The following SCN3A variants were observed in gnomAD, a reference collection of about 807,000 sequenced individuals.
SCN3A encodes sodium voltage-gated channel alpha subunit 3.
Under a neutral mutation model 187.6 loss-of-function variants are expected in SCN3A, and 60 were observed. The observed-to-expected ratio is 0.32, with a 90% CI of 0.26 to 0.40. The LOEUF is 0.40. SCN3A is among the 10% of genes least tolerant of loss of function. The pLI is 1.00. For missense variants in SCN3A, 1,601 were observed against 2,428.2 expected (o/e 0.66, Z 7.16); for synonymous variants, 788 against 829.2 (o/e 0.95, Z 0.85).
chr2:165,146,388 G>A (rs918331624), intron 12 of SCN3A, among the ~76,000 whole-genome samples: 20 of 88,122 alleles, frequency 2.3e-4, no homozygotes, highest in Non-Finnish European at 3.6e-4. Flanking sequence ...ATATATGTGT[G>A]TGTGTGTGTG....
chr2:165,145,929 C>T (rs1206284694), intron 12 of SCN3A, among the ~76,000 whole-genome samples: 1 of 152,098 alleles, frequency 6.6e-6, no homozygotes, highest in Non-Finnish European at 1.5e-5. Flanking sequence ...TTCTTTACAT[C>T]AGACATATGT....
At position 165,153,115 on chromosome 2, in the gene SCN3A, TA is replaced by T. The variant is rs1688791771; in HGVS notation, c.1380+1336del. 2.6e-5 allele frequency among the ~76,000 whole-genome samples: 4 copies of T among 151,290 alleles called. No individual in the cohort carries two copies. The South Asian group carries it at 8.3e-4, about 31-fold the overall frequency. On this transcript the variant is annotated intron_variant, in intron 11 of 27. Transcript: ENST00000283254. Reference sequence around the variant, plus strand: ...ACTGGTATAAAAATGACAAATAAACTAAACAGAATAGAGTTCAGAAATAGAC... The same window carrying T: ...ACTGGTATAAAAATGACAAATAAACTAACAGAATAGAGTTCAGAAATAGAC...
intron 1 of SCN3A, among the ~76,000 whole-genome samples, chr2:165,190,802 C>G (rs1218526105): frequency 6.6e-6 from 1 of 151,630 alleles, no homozygotes; most frequent in African/African-American, 2.4e-5. Flanking sequence ...CTTGGAAGCA[C>G]TGTATCCTAA....
chr2:165,128,141 A>C (rs1286152075), intron 17 of SCN3A, 40 bp from the exon 18 acceptor site: 1 of 1,463,562 alleles, frequency 6.8e-7, no homozygotes, highest in Admixed American at 2.0e-5. Flanking sequence ...TAATATTGAA[A>C]TATGCATTTA....
intron 1 of SCN3A, among the ~76,000 whole-genome samples, chr2:165,197,022 T>C (rs1322406263): frequency 2.0e-5 from 3 of 152,128 alleles, no homozygotes; most frequent in Non-Finnish European, 2.9e-5. Flanking sequence ...GTTTGTATGG[T>C]TAGCTTGCAA....
At chr2:165,153,987 A>ATATTTTTTTT (rs1553534887) in intron 11 of SCN3A, among the ~76,000 whole-genome samples, 1 of 92,770 alleles carries the variant, frequency 1.1e-5, no homozygotes, top group Non-Finnish European at 1.9e-5. Flanking sequence ...TATAGCAAAC[A>ATATTTTTTTT]TTTTTTTTTT....
At chr2:165,156,569 C>G (rs1417141107) in intron 9 of SCN3A, among the ~76,000 whole-genome samples, 1 of 97,948 alleles carries the variant, frequency 1.0e-5, no homozygotes, top group Non-Finnish European at 2.4e-5. Flanking sequence ...AGCCAGAAAA[C>G]AGACAAAGAG....
At chr2:165,180,617 A>C (rs1268497850) in intron 2 of SCN3A, among the ~76,000 whole-genome samples, 1 of 152,016 alleles carries the variant, frequency 6.6e-6, no homozygotes, top group Non-Finnish European at 1.5e-5. Flanking sequence ...GACAAGAAAG[A>C]GCATGGAGAG....
At chr2:165,163,585 A>G in intron 7 of SCN3A, 33 bp downstream of exon 7, 10 of 1,609,496 alleles carry the variant, frequency 6.2e-6, no homozygotes, top group Non-Finnish European at 8.5e-6. Context: ...CTCAATAATT[A>G]AAGTCAACCT....
chr2:165,157,318 C>A (rs909508269), intron 9 of SCN3A, among the ~76,000 whole-genome samples: 1 of 152,196 alleles, frequency 6.6e-6, no homozygotes, highest in Admixed American at 6.5e-5. Flanking sequence ...GACAATCTCT[C>A]AGACTTCCCT....
chr2:165,129,547 A>G (rs1574163473), intron 17 of SCN3A, among the ~76,000 whole-genome samples: 1 of 152,220 alleles, frequency 6.6e-6, no homozygotes, highest in African/African-American at 2.4e-5. Context: ...GAGCAATTTG[A>G]TTATAGAATA....
At chr2:165,174,769 A>G (rs1440025124) in intron 3 of SCN3A, among the ~76,000 whole-genome samples, 1 of 152,166 alleles carries the variant, frequency 6.6e-6, no homozygotes, top group African/African-American at 2.4e-5. Flanking sequence ...TATCAATTCT[A>G]TAGTAAATTG....
intron 21 of SCN3A, among the ~76,000 whole-genome samples, chr2:165,112,434 T>A (rs1686166806): frequency 6.6e-6 from 1 of 152,230 alleles, no homozygotes; most frequent in South Asian, 2.1e-4. Flanking sequence ...ATGGGTTAAT[T>A]TCACAGTATT....
At chr2:165,142,326 G>A (rs1688058362) in intron 12 of SCN3A, among the ~76,000 whole-genome samples, 1 of 152,182 alleles carries the variant, frequency 6.6e-6, no homozygotes, top group South Asian at 2.1e-4. Flanking sequence ...AGGTCATGCT[G>A]ATTTTCTTAG....
intron 10 of SCN3A, among the ~76,000 whole-genome samples, chr2:165,155,330 T>TTTCCC (rs999546127): frequency 2.2e-4 from 34 of 152,176 alleles, no homozygotes; most frequent in Admixed American, 1.2e-3. Context: ...AAGCAGGTCC[T>TTTCCC]TTCCCTTCCC....
At chr2:165,199,392 C>A (rs938005654) in intron 1 of SCN3A, among the ~76,000 whole-genome samples, 11 of 152,004 alleles carry the variant, frequency 7.2e-5, no homozygotes, top group African/African-American at 2.6e-4. Context: ...ACTAAAACCC[C>A]TGAAAATTCA....
chr2:165,132,657 A>T (rs1287143190), intron 15 of SCN3A, among the ~76,000 whole-genome samples: 2 of 152,262 alleles, frequency 1.3e-5, no homozygotes, highest in Non-Finnish European at 2.9e-5. Context: ...CTTAAAAGTT[A>T]GACCTAAAGC....
At chr2:165,170,177 T>C (rs1023160207) in intron 4 of SCN3A, among the ~76,000 whole-genome samples, 4 of 151,972 alleles carry the variant, frequency 2.6e-5, no homozygotes, top group Non-Finnish European at 5.9e-5. Flanking sequence ...GGAGATTTGC[T>C]CTTTTTCCTA....
chr2:165,191,637 A>G (rs1691620484), intron 1 of SCN3A, among the ~76,000 whole-genome samples: 1 of 152,160 alleles, frequency 6.6e-6, no homozygotes, highest in South Asian at 2.1e-4. Context: ...TTACTGTCTT[A>G]AAGAGACCTG....
Sources: gnomAD v4.1 joint callset for allele counts (sites outside exome capture counted in the v4.1 genomes callset) on GRCh38, gnomAD v4.1.1 for gene constraint, MANE v1.5 for transcripts, NCBI Gene and HGNC (gene_info 2026-07-23, HGNC 2026-07-21) for gene names.